MDN1: variants seen among roughly 807,000 people sequenced by gnomAD.
MDN1 encodes the protein midasin AAA ATPase 1.
In MDN1, 266 loss-of-function variants were observed where a neutral mutation model predicts 669.2. The observed-to-expected ratio is 0.40, with a 90% CI of 0.36 to 0.44. MDN1 has a LOEUF of 0.44. MDN1 is among the 20% of genes least tolerant of loss of function. The pLI is 1.00. For synonymous variants in MDN1, 2,385 were observed against 2,457.1 expected (o/e 0.97, Z 0.87); for missense variants, 5,940 against 6,754.0 (o/e 0.88, Z 4.22).
chr6:89,754,082 C>A lies in MDN1; in HGVS notation c.2964+1G>T. The A allele has an allele frequency of 6.2e-7, 1 of 1,613,460 alleles. No individual in the cohort carries two copies. The highest frequency in any genetic ancestry group is 8.5e-7 in the Non-Finnish European group (1 of 1,179,758). ...TCCAGTCAAAGAGACTTCAGAAAGA[C>A]CTCATAGAGTGAGCGCTGAATGTTG... On this transcript the variant is annotated splice_donor_variant, in intron 21 of 101. Transcript: ENST00000369393. LOFTEE classifies it high-confidence loss of function.
At chr6:89,714,468 T>A (rs1263270189) in intron 46 of MDN1, 75 bp downstream of exon 46, 2 of 1,232,972 alleles carry the variant, frequency 1.6e-6, no homozygotes, top group African/African-American at 1.5e-5. Context: ...AAATCTTTGA[T>A]GAGCAGTCCA....
intron 70 of MDN1, among the ~76,000 whole-genome samples, chr6:89,685,543 C>A (rs1811948273): frequency 6.6e-6 from 1 of 152,122 alleles, no homozygotes. Context: ...AGGACATTTA[C>A]AATGTCTAGA....
Position 89,750,453 on chromosome 6 carries a change from T to TG in MDN1, c.3306dup (p.Asn1103GlnfsTer7), listed in dbSNP as rs1816881912. On this transcript the variant is annotated frameshift_variant, in exon 24 of 102. Coordinates refer to ENST00000369393, the MANE Select transcript of MDN1 (RefSeq NM_014611.3). LOFTEE classifies it high-confidence loss of function. The stretch of plus-strand genomic sequence containing the variant: ...TGATTATTAATACGCACACAGTGGT[T>TG]GCCAGTAGCTGCAGCCAGCCACTGG... The TG allele has an allele frequency of 1.2e-6, 2 of 1,613,948 alleles. No individual in the cohort carries two copies. The highest frequency in any genetic ancestry group is 1.3e-5 in the African/African-American group (1 of 74,922).
rs569487548 is a variant in MDN1, at chr6:89,703,890, G to C, written c.8149-1829C>G. On this transcript the variant is annotated intron_variant, in intron 53 of 101. Coordinates refer to ENST00000369393, the MANE Select transcript of MDN1 (RefSeq NM_014611.3). ...TAGCTGAGCGTGGTGGCACGCGCCT[G>C]TAATCCCAGCTACTTGGGAGGCTGA... Among the ~76,000 whole-genome samples the C allele has an allele frequency of 1.8e-4, 28 of 151,730 alleles. No homozygotes were observed. The South Asian group carries it at 5.6e-3, about 30-fold the overall frequency.
chr6:89,817,235 T>C (rs970025801), intron 1 of MDN1, among the ~76,000 whole-genome samples: 1 of 152,210 alleles, frequency 6.6e-6, no homozygotes, highest in Non-Finnish European at 1.5e-5. Flanking sequence ...CAGGATCTCC[T>C]GGGGCTGTGT....
chr6:89,720,033 A>C (rs544809609), intron 40 of MDN1, among the ~76,000 whole-genome samples: 18 of 152,184 alleles, frequency 1.2e-4, no homozygotes, highest in African/African-American at 4.3e-4. Flanking sequence ...CAGAAAAAAA[A>C]TAAATAAAGT....
intron 46 of MDN1, among the ~76,000 whole-genome samples, chr6:89,714,251 G>A (rs975880517): frequency 6.6e-6 from 1 of 152,014 alleles, no homozygotes; most frequent in African/African-American, 2.4e-5. Context: ...GAGAAATGAT[G>A]GGCAAACTTC....
intron 2 of MDN1, among the ~76,000 whole-genome samples, chr6:89,796,660 T>A (rs1416292543): frequency 1.3e-5 from 2 of 152,240 alleles, no homozygotes; most frequent in East Asian, 3.9e-4. Context: ...GTGGGTACAG[T>A]GTGTATATGA....
At chr6:89,724,798 G>A (rs925512302) in intron 38 of MDN1, among the ~76,000 whole-genome samples, 2 of 152,040 alleles carry the variant, frequency 1.3e-5, no homozygotes, top group East Asian at 1.9e-4. Flanking sequence ...GGGGAATAGT[G>A]GATTTTTATT....
At chr6:89,723,980 T>C (rs1265479295) in intron 38 of MDN1, among the ~76,000 whole-genome samples, 1 of 151,954 alleles carries the variant, frequency 6.6e-6, no homozygotes, top group East Asian at 1.9e-4. Flanking sequence ...CTGTCTTCAC[T>C]AAAAATACAA....
At chr6:89,678,823 C>G (rs1811414894) in intron 74 of MDN1, 78 bp from the exon 75 acceptor site, 1 of 1,458,014 alleles carries the variant, frequency 6.9e-7, no homozygotes, top group Non-Finnish European at 9.3e-7. Flanking sequence ...TTACCCAACA[C>G]CAGGGACCTT....
intron 11 of MDN1, among the ~76,000 whole-genome samples, chr6:89,779,644 T>C (rs1181453709): frequency 6.6e-6 from 1 of 152,240 alleles, no homozygotes; most frequent in African/African-American, 2.4e-5. Context: ...TTAATTTCAC[T>C]ACCTGTTTTA....
chr6:89,761,501 C>A, intron 17 of MDN1, 144 bp downstream of exon 17: 1 of 500,780 alleles, frequency 2.0e-6, no homozygotes, highest in Admixed American at 3.9e-5. Flanking sequence ...CTTATAATTG[C>A]CATAATTACC....
At position 89,680,513 on chromosome 6, in the gene MDN1, T is replaced by C. The variant is rs1811534929; in HGVS notation, c.12265+76A>G. On this transcript the variant is annotated intron_variant, in intron 74 of 101. Coordinates refer to ENST00000369393, the MANE Select transcript of MDN1 (RefSeq NM_014611.3). The stretch of plus-strand genomic sequence containing the variant: ...CACAAGGTATCAAAAAAGGACACAG[T>C]TGCCACATTCTCAGCCCTCCTGCGC... 2.6e-6 allele frequency: 4 copies of C among 1,531,810 alleles called. No homozygotes were observed. In the South Asian group the frequency reaches 3.8e-5, roughly 14 times the overall value. 94.9% of individuals were successfully genotyped at this position (1,531,810 alleles called of 1,614,324 possible).
chr6:89,670,842 T>G, intron 83 of MDN1, 77 bp downstream of exon 83: 1 of 1,474,246 alleles, frequency 6.8e-7, no homozygotes. Flanking sequence ...AATAAAAGCC[T>G]ATCACACCAA....
chr6:89,694,907 G>A (rs1812629613), intron 61 of MDN1, among the ~76,000 whole-genome samples: 1 of 152,016 alleles, frequency 6.6e-6, no homozygotes, highest in African/African-American at 2.4e-5. Flanking sequence ...AAAATTCCTA[G>A]GATATAGGGA....
chr6:89,816,966 G>A (rs143415492), intron 1 of MDN1, among the ~76,000 whole-genome samples: 1 of 151,018 alleles, frequency 6.6e-6, no homozygotes, highest in African/African-American at 2.4e-5. Context: ...GTGCCACTGT[G>A]CCCAGCCTCC....
At chr6:89,647,899 G>A (rs898329388) in intron 99 of MDN1, 133 bp downstream of exon 99, 5 of 691,572 alleles carry the variant, frequency 7.2e-6, no homozygotes, top group Non-Finnish European at 1.2e-5. Context: ...GCTATAGTGA[G>A]CTATGATGGC....
chr6:89,772,438 T>G, intron 14 of MDN1, 135 bp downstream of exon 14: 1 of 899,258 alleles, frequency 1.1e-6, no homozygotes, highest in Non-Finnish European at 1.7e-6. Flanking sequence ...CAGTAGTTAT[T>G]TCCAGGCAGA....
Sources: allele counts gnomAD v4.1 joint callset (sites outside exome capture counted in the v4.1 genomes callset), GRCh38; gene constraint gnomAD v4.1.1; transcripts MANE v1.5; gene names NCBI Gene and HGNC (gene_info 2026-07-23, HGNC 2026-07-21).